PKD2: variants seen among roughly 807,000 people sequenced by gnomAD.
The protein encoded by PKD2 is polycystin 2, transient receptor potential cation channel.
In PKD2, 48 loss-of-function variants were observed where a neutral mutation model predicts 105.9. That is an observed-to-expected ratio of 0.45 (90% CI 0.36 to 0.58). The LOEUF is 0.58. PKD2 is among the 20% of genes least tolerant of loss of function. The pLI is 0.00. For synonymous variants in PKD2, 464 were observed against 481.1 expected (o/e 0.96, Z 0.46); for missense variants, 1,078 against 1,255.3 (o/e 0.86, Z 2.13).
intron 13 of PKD2, among the ~76,000 whole-genome samples, chr4:88,070,217 C>G (rs1720960528): frequency 1.3e-5 from 2 of 152,024 alleles, no homozygotes; most frequent in Non-Finnish European, 2.9e-5. Context: ...TTACTGTGGT[C>G]CCCTTGTACA....
rs754069051 is a variant in PKD2, at chr4:88,076,663, T to C, written c.*969T>C. 6 of 152,198 alleles carry C rather than the reference T, an allele frequency of 3.9e-5. No homozygotes were observed. Among genetic ancestry groups the C allele is most frequent in the Non-Finnish European group, 7.3e-5 (5 of 68,034 alleles). The allele number at this position is 152,198 out of a possible 1,614,324, so 9.4% of individuals were successfully genotyped here. On this transcript the variant is annotated 3_prime_UTR_variant, in exon 15 of 15. Transcript: ENST00000237596. ...AATTTTAAGAAAGTTTTGAAATTCA[T>C]AAAGCATTTGGTTTTAAACTATTTT...
rs369266202 is a variant in PKD2 at position 88,051,844 on chromosome 4, T to G, written c.1549-147T>G. The G allele has an allele frequency of 2.0e-5, 12 of 598,014 alleles. No homozygotes were observed. In the African/African-American group the frequency reaches 2.0e-4, roughly 10 times the overall value. 37.0% of individuals were successfully genotyped at this position (598,014 alleles called of 1,614,324 possible). Reference sequence around the variant, plus strand: ...CAGGGCTTAACACTTTCCATTTGAGTGAGTGACTTTTAAGAATGACATCGG... The same window carrying G: ...CAGGGCTTAACACTTTCCATTTGAGGGAGTGACTTTTAAGAATGACATCGG... On this transcript the variant is annotated intron_variant, in intron 6 of 14. Coordinates refer to ENST00000237596, the MANE Select transcript of PKD2 (RefSeq NM_000297.4).
rs1299890252 is a variant in PKD2 at position 88,056,216 on chromosome 4, A to G, written c.1847A>G (p.Tyr616Cys). The G allele has an allele frequency of 6.2e-7, 1 of 1,613,614 alleles. No homozygotes were observed. The highest frequency in any genetic ancestry group is 1.1e-5 in the South Asian group (1 of 91,078). ...IIFLAYAQLA[Y>C]LVFGTQVDDF... ...TTCCTAGCGTATGCTCAGTTGGCATACCTTGTCTTTGGCACTCAGGTCGAT... is the reference window on the plus strand; with the variant it reads ...TTCCTAGCGTATGCTCAGTTGGCATGCCTTGTCTTTGGCACTCAGGTCGAT... Residue 616 changes from tyrosine (Y) to cysteine (C), a missense_variant, in exon 8 of 15, where the codon TAC becomes TGC. By Grantham distance (194) the Tyr-to-Cys change is radical. Coordinates refer to ENST00000237596, the MANE Select transcript of PKD2 (RefSeq NM_000297.4).
chr4:88,049,198 C>T lies in PKD2; in HGVS notation c.1548+2328C>T, dbSNP rs144303500. Among the ~76,000 whole-genome samples the T allele has an allele frequency of 9.2e-5, 14 of 152,300 alleles. No individual in the cohort carries two copies. In the East Asian group the frequency reaches 2.7e-3, roughly 29 times the overall value. On this transcript the variant is annotated intron_variant, in intron 6 of 14. Transcript: ENST00000237596. ...ATTATCTTTATTTGTAAATTGTGTGCCTACTTTGGTGTAACAGGTACATCC... is the reference window on the plus strand; with the variant it reads ...ATTATCTTTATTTGTAAATTGTGTGTCTACTTTGGTGTAACAGGTACATCC...
rs191228730 is a variant in PKD2 at position 88,066,082 on chromosome 4, G to T, written c.2358+203G>T. On this transcript the variant is annotated intron_variant, in intron 12 of 14. Transcript: ENST00000237596. ...AATTATGTATAAAAATGGGTGGTTA[G>T]CATGATATAAAAACGTCAAAATGAA... 2.5e-3 allele frequency among the ~76,000 whole-genome samples: 381 copies of T among 152,192 alleles called. 1 individual carries two copies. The highest frequency in any genetic ancestry group is 4.6e-3 in the Non-Finnish European group (315 of 68,010).
At chr4:88,054,096 TAATC>T (rs1193411780) in intron 7 of PKD2, among the ~76,000 whole-genome samples, 12 of 152,040 alleles carry the variant, frequency 7.9e-5, no homozygotes, top group African/African-American at 2.2e-4. Context: ...ATAGTAATAA[TAATC>T]AAGATAGTAA....
At chr4:88,028,071 C>A (rs568200658) in intron 2 of PKD2, among the ~76,000 whole-genome samples, 1 of 152,038 alleles carries the variant, frequency 6.6e-6, no homozygotes, top group Non-Finnish European at 1.5e-5. Flanking sequence ...AATGGAGAAA[C>A]GAACAACAAA....
At chr4:88,058,567 A>G (rs1015587438) in intron 9 of PKD2, among the ~76,000 whole-genome samples, 20 of 152,180 alleles carry the variant, frequency 1.3e-4, no homozygotes, top group African/African-American at 4.8e-4. Context: ...AAAAATAAGA[A>G]CGGAAAAGCA....
chr4:88,032,174 T>G (rs540487506), intron 2 of PKD2, among the ~76,000 whole-genome samples: 16 of 152,282 alleles, frequency 1.1e-4, no homozygotes, highest in South Asian at 2.1e-4. Flanking sequence ...TATTCTTTTG[T>G]TAGACTGGAA....
At chr4:88,012,145 G>A (rs975380095) in intron 1 of PKD2, among the ~76,000 whole-genome samples, 1 of 152,148 alleles carries the variant, frequency 6.6e-6, no homozygotes, top group Admixed American at 6.5e-5. Flanking sequence ...GGAAATAATG[G>A]TTTATTGCTC....
At chr4:88,013,701 C>T (rs986704787) in intron 1 of PKD2, among the ~76,000 whole-genome samples, 1 of 145,778 alleles carries the variant, frequency 6.9e-6, no homozygotes, top group Admixed American at 6.9e-5. Context: ...GAGGTGAGAG[C>T]CTGTATCTAA....
intron 6 of PKD2, among the ~76,000 whole-genome samples, chr4:88,050,294 C>T (rs1319286308): frequency 6.6e-6 from 1 of 152,030 alleles, no homozygotes; most frequent in Non-Finnish European, 1.5e-5. Context: ...ATTTATTCAG[C>T]GAGTGTTTTC....
Position 88,019,470 on chromosome 4 carries a change from C to T in PKD2, c.608C>T (p.Thr203Ile), listed in dbSNP as rs770950317. ...TATTATTTTAAAGGTCTCTGGGGAA[C>T]AAGACTCATGGAGGAAAGCAGCACT... ...LVRGLRGLWGTRLMEESSTNR... is the reference protein window; with the variant it reads ...LVRGLRGLWGIRLMEESSTNR... Residue 203 changes from threonine to isoleucine, a missense_variant, in exon 2 of 15, where the codon ACA becomes ATA. Thr to Ile is a moderately conservative substitution (Grantham distance 89, BLOSUM62 -1). Transcript: ENST00000237596. 7.6e-6 allele frequency: 12 copies of T among 1,572,332 alleles called. No homozygotes were observed. The highest frequency in any genetic ancestry group is 2.2e-5 in the East Asian group (1 of 44,692).
chr4:88,070,601 T>TATATATATATAGAGAGAG (rs1313482750), intron 13 of PKD2, among the ~76,000 whole-genome samples: 1 of 91,482 alleles, frequency 1.1e-5, no homozygotes, highest in Non-Finnish European at 2.1e-5. Flanking sequence ...TATATATATA[T>TATATATATATAGAGAGAG]AGAGAGAGAG....
At chr4:88,035,572 A>G (rs931720225) in intron 2 of PKD2, among the ~76,000 whole-genome samples, 5 of 152,134 alleles carry the variant, frequency 3.3e-5, no homozygotes, top group African/African-American at 9.7e-5. Flanking sequence ...CTCAGCAGCC[A>G]TGGCCAAGGT....
chr4:88,011,745 G>C (rs1043165122), intron 1 of PKD2, among the ~76,000 whole-genome samples: 3 of 152,148 alleles, frequency 2.0e-5, no homozygotes, highest in Non-Finnish European at 4.4e-5. Flanking sequence ...CTACCACACA[G>C]AAACTGCAAA....
intron 11 of PKD2, 111 bp from the exon 12 acceptor site, chr4:88,065,651 C>T: frequency 8.7e-7 from 1 of 1,152,424 alleles, no homozygotes; most frequent in East Asian, 2.4e-5. Flanking sequence ...AAGAGGAAAA[C>T]TTGCCCCCAT....
chr4:88,033,452 A>G (rs919446149), intron 2 of PKD2, among the ~76,000 whole-genome samples: 12 of 151,984 alleles, frequency 7.9e-5, no homozygotes, highest in African/African-American at 2.9e-4. Context: ...AAGTTACAAT[A>G]ATCTTCCCTT....
At chr4:88,057,374 G>A (rs1298628792) in intron 8 of PKD2, among the ~76,000 whole-genome samples, 1 of 151,308 alleles carries the variant, frequency 6.6e-6, no homozygotes, top group East Asian at 1.9e-4. Flanking sequence ...GTTTTACCTA[G>A]ATTATGTGTT....
Sources: gnomAD v4.1 joint callset for allele counts (sites outside exome capture counted in the v4.1 genomes callset) on GRCh38, gnomAD v4.1.1 for gene constraint, MANE v1.5 for transcripts, NCBI Gene and HGNC (gene_info 2026-07-23, HGNC 2026-07-21) for gene names.